The following PLEKHA2 variants were observed in gnomAD, a reference collection of about 807,000 sequenced individuals.
The protein encoded by PLEKHA2 is pleckstrin homology domain-containing family A member 2.
In PLEKHA2, 28 loss-of-function variants were observed where a neutral mutation model predicts 53.2. The ratio of observed to expected loss-of-function variants is 0.53; its 90% CI spans 0.39 to 0.72. The LOEUF (loss-of-function observed/expected upper bound fraction) is 0.72, where lower values mean the gene tolerates loss of function less well. Among genes scored for constraint, PLEKHA2 ranks in the 30% least tolerant of loss-of-function variants. The pLI is 0.00. For synonymous variants in PLEKHA2, 193 were observed against 196.4 expected (o/e 0.98, Z 0.14); for missense variants, 426 against 537.9 (o/e 0.79, Z 2.06).
chr8:38,947,403 T>G (rs1166145925), intron 5 of PLEKHA2, among the ~76,000 whole-genome samples: 1 of 152,024 alleles, frequency 6.6e-6, no homozygotes, highest in East Asian at 1.9e-4. Flanking sequence ...TGAGCCGAGA[T>G]CGTGCCATTG....
Position 38,950,943 on chromosome 8 carries a change from A to C in PLEKHA2, c.439A>C (p.Lys147Gln). 1.2e-6 allele frequency: 2 copies of C among 1,613,982 alleles called. No individual in the cohort carries two copies. The highest frequency in any genetic ancestry group is 2.2e-5 in the South Asian group (2 of 91,074). Reference protein sequence around the residue: ...ALEKKPQVAYKTEIIGGVVVH... With the variant: ...ALEKKPQVAYQTEIIGGVVVH... ...GGAGAAGAAGCCACAGGTGGCCTAC[A>C]AGACGGAGATCATTGGAGGGGTGGT... Residue 147 changes from lysine to glutamine, a missense_variant, in exon 6 of 12, where the codon AAG (lysine) becomes CAG (glutamine). By Grantham distance (53) the Lys-to-Gln change is moderately conservative. Transcript: ENST00000617275.
intron 10 of PLEKHA2, among the ~76,000 whole-genome samples, chr8:38,959,642 C>A (rs1284694368): frequency 6.6e-6 from 1 of 152,086 alleles, no homozygotes; most frequent in African/African-American, 2.4e-5. Context: ...TGAGAGAGAA[C>A]AGTTTGAAGG....
chr8:38,912,162 G>A (rs1239119758), intron 1 of PLEKHA2, among the ~76,000 whole-genome samples: 1 of 152,080 alleles, frequency 6.6e-6, no homozygotes, highest in Non-Finnish European at 1.5e-5. Flanking sequence ...TTAGCCGGAT[G>A]TGGTGGCACA....
intron 2 of PLEKHA2, among the ~76,000 whole-genome samples, chr8:38,933,778 T>TAAAAAA (rs774899490): frequency 2.0e-5 from 1 of 49,046 alleles, no homozygotes; most frequent in East Asian, 3.0e-4. Context: ...AGAGGTTTCC[T>TAAAAAA]AAAAAAAAAA....
chr8:38,914,645 T>C (rs942800168), intron 1 of PLEKHA2, among the ~76,000 whole-genome samples: 10 of 152,242 alleles, frequency 6.6e-5, no homozygotes, highest in African/African-American at 2.2e-4. Flanking sequence ...AAAGTCTGAA[T>C]GTCACGTGGT....
intron 2 of PLEKHA2, among the ~76,000 whole-genome samples, chr8:38,933,290 A>G (rs1336251523): frequency 2.0e-5 from 3 of 152,066 alleles, no homozygotes; most frequent in Non-Finnish European, 4.4e-5. Flanking sequence ...GTGTCTTTCC[A>G]TGGAATTCTC....
rs1377562216 is a variant in PLEKHA2 at position 38,971,803 on chromosome 8, C to G, written c.*2020C>G. The stretch of plus-strand genomic sequence containing the variant: ...CTAAAAATACGAAAAAAAAATTAGC[C>G]GGGCGCAGTGGCAGGCGCCTGTAGT... On this transcript the variant is annotated 3_prime_UTR_variant, in exon 12 of 12. Coordinates refer to ENST00000617275, the MANE Select transcript of PLEKHA2 (RefSeq NM_021623.2). 1 of 152,144 alleles carries G rather than the reference C, an allele frequency of 6.6e-6. No homozygotes were observed. The highest frequency in any genetic ancestry group is 1.5e-5 in the Non-Finnish European group (1 of 68,036). The allele number at this position is 152,144 out of a possible 1,614,324, so 9.4% of individuals were successfully genotyped here.
At chr8:38,902,036 T>G (rs962565791) in intron 1 of PLEKHA2, 1 of 152,362 alleles carries the variant, frequency 6.6e-6, no homozygotes, top group Non-Finnish European at 1.5e-5. Flanking sequence ...CTTCTGGAAC[T>G]CCAGACAGTG....
chr8:38,958,074 C>T (rs1052247496), intron 10 of PLEKHA2, among the ~76,000 whole-genome samples: 9 of 152,160 alleles, frequency 5.9e-5, no homozygotes, highest in Non-Finnish European at 1.3e-4. Flanking sequence ...CCTGGAATCC[C>T]AGCATTTTGG....
intron 1 of PLEKHA2, among the ~76,000 whole-genome samples, chr8:38,913,017 G>A (rs1157249369): frequency 3.9e-5 from 6 of 152,126 alleles, no homozygotes; most frequent in Non-Finnish European, 8.8e-5. Flanking sequence ...AAACAAAACT[G>A]GACTTTTAGA....
intron 8 of PLEKHA2, 70 bp downstream of exon 8, chr8:38,952,774 G>A: frequency 6.8e-7 from 1 of 1,479,138 alleles, no homozygotes. Flanking sequence ...CACACCCACA[G>A]GAGAGCGTGC....
intron 3 of PLEKHA2, among the ~76,000 whole-genome samples, chr8:38,936,685 C>T (rs1455006579): frequency 6.6e-6 from 1 of 152,238 alleles, no homozygotes; most frequent in Non-Finnish European, 1.5e-5. Flanking sequence ...GGGGTGGGGA[C>T]TGGTTAACGG....
chr8:38,953,435 C>A, intron 9 of PLEKHA2, 68 bp downstream of exon 9: 2 of 1,393,590 alleles, frequency 1.4e-6, no homozygotes, highest in Non-Finnish European at 2.0e-6. Flanking sequence ...CCCTTTACTA[C>A]CCTTCAGAGA....
intron 2 of PLEKHA2, among the ~76,000 whole-genome samples, chr8:38,920,264 C>G (rs1398617102): frequency 1.3e-5 from 2 of 151,940 alleles, no homozygotes; most frequent in Non-Finnish European, 2.9e-5. Flanking sequence ...CATTCTCCTG[C>G]CTCAGCCTCC....
intron 1 of PLEKHA2, among the ~76,000 whole-genome samples, chr8:38,905,819 G>A (rs1170293400): frequency 6.6e-6 from 1 of 151,792 alleles, no homozygotes; most frequent in Non-Finnish European, 1.5e-5. Context: ...CAAGTAGCTG[G>A]GTCTACAGGC....
chr8:38,926,099 CTA>C (rs1440761329), intron 2 of PLEKHA2, among the ~76,000 whole-genome samples: 1 of 152,240 alleles, frequency 6.6e-6, no homozygotes, highest in African/African-American at 2.4e-5. Flanking sequence ...GCCTGAGAGA[CTA>C]TCTCTTAAGA....
intron 3 of PLEKHA2, among the ~76,000 whole-genome samples, chr8:38,941,031 G>A (rs1564133321): frequency 1.3e-5 from 2 of 149,564 alleles, no homozygotes; most frequent in Non-Finnish European, 3.0e-5. Context: ...AAGGATTCTT[G>A]TGAGCTAAGA....
At chr8:38,953,513 T>C (rs764768190) in intron 9 of PLEKHA2, 146 bp downstream of exon 9, 8 of 826,192 alleles carry the variant, frequency 9.7e-6, no homozygotes, top group Non-Finnish European at 1.6e-5. Context: ...GCTGACTCAC[T>C]GCATCCAAGC....
At chr8:38,923,979 G>A (rs993622415) in intron 2 of PLEKHA2, among the ~76,000 whole-genome samples, 5 of 152,070 alleles carry the variant, frequency 3.3e-5, no homozygotes, top group African/African-American at 1.2e-4. Context: ...AGCCTCCCAA[G>A]TAGCTGGGAT....
Sources: allele counts gnomAD v4.1 joint callset (sites outside exome capture counted in the v4.1 genomes callset), GRCh38; gene constraint gnomAD v4.1.1; transcripts MANE v1.5; gene names NCBI Gene and HGNC (gene_info 2026-07-23, HGNC 2026-07-21).